KLF13: variants seen among roughly 807,000 people sequenced by gnomAD.
KLF13 encodes the protein KLF transcription factor 13, also known as Krueppel-like factor 13.
A neutral mutation model predicts 16.7 loss-of-function variants in KLF13; 8 were observed. The ratio of observed to expected loss-of-function variants is 0.48; its 90% confidence interval spans 0.28 to 0.87. The LOEUF (loss-of-function observed/expected upper bound fraction) is 0.87, where lower values mean the gene tolerates loss of function less well. KLF13 is among the 40% of genes least tolerant of loss of function. KLF13 has a pLI of 0.10. For missense variants in KLF13, 447 were observed against 452.2 expected (o/e 0.99, Z 0.10); for synonymous variants, 245 against 208.4 (o/e 1.18, Z -1.51).
chr15:31,334,790 A>G (rs1270176124), intron 1 of KLF13, among the ~76,000 whole-genome samples: 1 of 152,066 alleles, frequency 6.6e-6, no homozygotes. Flanking sequence ...TCCTGTCGAG[A>G]TGGGAATAAA....
At chr15:31,371,205 C>G (rs1463703650) in intron 1 of KLF13, among the ~76,000 whole-genome samples, 1 of 152,184 alleles carries the variant, frequency 6.6e-6, no homozygotes. Context: ...AAATGCTGGC[C>G]TGTCTCCCGC....
intron 1 of KLF13, among the ~76,000 whole-genome samples, chr15:31,343,516 C>A (rs929886592): frequency 2.0e-5 from 3 of 152,214 alleles, no homozygotes; most frequent in Non-Finnish European, 4.4e-5. Context: ...AGGGGTGCAT[C>A]CAGCCTCCAG....
At chr15:31,431,613 C>T (rs1017220430) in intron 1 of KLF13, among the ~76,000 whole-genome samples, 2 of 152,020 alleles carry the variant, frequency 1.3e-5, no homozygotes, top group South Asian at 2.1e-4. Context: ...TACAGGCACC[C>T]GTCATCATGT....
intron 1 of KLF13, among the ~76,000 whole-genome samples, chr15:31,337,799 A>C (rs1168827811): frequency 6.6e-6 from 1 of 152,218 alleles, no homozygotes; most frequent in African/African-American, 2.4e-5. Flanking sequence ...TTGAAACGTC[A>C]TTATGTGGTG....
At chr15:31,405,083 G>C (rs950402986), downstream of KLF13, among the ~76,000 whole-genome samples, 8 of 152,192 alleles carry the variant, frequency 5.3e-5, no homozygotes, top group African/African-American at 1.7e-4. Context: ...CCACTGTGAT[G>C]GTATTAGGAG....
chr15:31,420,129 T>A, intron 1 of KLF13: 1 of 409,832 alleles, frequency 2.4e-6, no homozygotes. Flanking sequence ...GGCAGCCAAG[T>A]GGTCTCCCAA....
At chr15:31,423,756 CAT>C (rs1198742642) in intron 1 of KLF13, among the ~76,000 whole-genome samples, 4 of 152,170 alleles carry the variant, frequency 2.6e-5, no homozygotes, top group Non-Finnish European at 4.4e-5. Context: ...GGATAGATCA[CAT>C]GTTAGGCCAC....
At chr15:31,428,680 C>T (rs1179912660) in intron 1 of KLF13, among the ~76,000 whole-genome samples, 2 of 151,290 alleles carry the variant, frequency 1.3e-5, no homozygotes, top group East Asian at 1.9e-4. Context: ...TGGTGGCGGG[C>T]GCCTGTAGTC....
chr15:31,335,459 G>A (rs912193522), intron 1 of KLF13, among the ~76,000 whole-genome samples: 1 of 96,138 alleles, frequency 1.0e-5, no homozygotes, highest in Non-Finnish European at 2.4e-5. Flanking sequence ...GTGTGTGTGT[G>A]TGTGTGTGTG....
chr15:31,398,054 G>A (rs979718455), intron 2 of KLF13, among the ~76,000 whole-genome samples: 3 of 152,186 alleles, frequency 2.0e-5, no homozygotes, highest in Admixed American at 1.3e-4. Flanking sequence ...AGCCTAATAA[G>A]GAGCCTGCTA....
Position 31,423,818 on chromosome 15 carries a change from C to A in KLF13, n.118-11552C>A, listed in dbSNP as rs546195189. ...ATTGAAATCATACCAACTGTCTTTTCTGATTTTGTTGGAATAAAACTAGAA... is the reference window on the plus strand; with the variant it reads ...ATTGAAATCATACCAACTGTCTTTTATGATTTTGTTGGAATAAAACTAGAA... On this transcript the variant is annotated intron_variant and non_coding_transcript_variant, in intron 1 of 1. Transcript: ENST00000558225. Among the ~76,000 whole-genome samples, 44 of 152,252 alleles carry A rather than the reference C, an allele frequency of 2.9e-4. No individual in the cohort carries two copies. In the South Asian group the frequency reaches 9.1e-3, roughly 32 times the overall value.
chr15:31,364,841 T>C (rs930807228), intron 1 of KLF13, among the ~76,000 whole-genome samples: 1 of 152,310 alleles, frequency 6.6e-6, no homozygotes, highest in Non-Finnish European at 1.5e-5. Flanking sequence ...CCATGTGGCT[T>C]AATAAACCAC....
At chr15:31,429,587 T>A (rs1348495777) in intron 1 of KLF13, among the ~76,000 whole-genome samples, 6 of 152,078 alleles carry the variant, frequency 3.9e-5, no homozygotes, top group Non-Finnish European at 1.5e-5. Flanking sequence ...AAATGGTAAA[T>A]GTTATGTATA....
At chr15:31,393,200 C>T (rs10048031) in exon 1 of KLF13, 47,320 of 152,266 alleles carry the variant, frequency 0.31, 8,298 homozygotes, top group African/African-American at 0.47. Flanking sequence ...CCTACCTTCC[C>T]GCCAGCCCCC....
At chr15:31,361,949 G>A (rs974805983) in intron 1 of KLF13, among the ~76,000 whole-genome samples, 19 of 151,978 alleles carry the variant, frequency 1.3e-4, no homozygotes, top group African/African-American at 4.6e-4. Context: ...CTTGGTGCAA[G>A]AGAAAACCCT....
downstream of KLF13, among the ~76,000 whole-genome samples, chr15:31,405,294 A>G (rs2040108795): frequency 6.6e-6 from 1 of 152,206 alleles, no homozygotes; most frequent in African/African-American, 2.4e-5. Flanking sequence ...AGTCTGGCCA[A>G]CAAAACGAGA....
At chr15:31,405,044 C>T (rs1398450604), downstream of KLF13, among the ~76,000 whole-genome samples, 3 of 152,148 alleles carry the variant, frequency 2.0e-5, no homozygotes, top group Non-Finnish European at 2.9e-5. Context: ...GAACCATGTG[C>T]CCCTGAAACT....
At position 31,374,486 on chromosome 15, in the gene KLF13, G is replaced by T. The variant is rs1430492274; in HGVS notation, c.*2187G>T. On this transcript the variant is annotated 3_prime_UTR_variant, in exon 2 of 2. Coordinates refer to ENST00000307145, the MANE Select transcript of KLF13 (RefSeq NM_015995.4). Reference sequence around the variant, plus strand: ...GAGCCCTGGGTGCTTGTGGTGCAAAGATCTTCATGCCCAGTTCCAAAGTGA... The same window carrying T: ...GAGCCCTGGGTGCTTGTGGTGCAAATATCTTCATGCCCAGTTCCAAAGTGA... 6.6e-6 allele frequency: 1 copy of T among 152,646 alleles called. No homozygotes were observed. The highest frequency in any genetic ancestry group is 1.5e-5 in the Non-Finnish European group (1 of 68,050). 9.5% of individuals were successfully genotyped at this position (152,646 alleles called of 1,614,324 possible).
intron 1 of KLF13, among the ~76,000 whole-genome samples, chr15:31,337,535 T>C (rs1448295983): frequency 6.6e-6 from 1 of 152,232 alleles, no homozygotes; most frequent in Non-Finnish European, 1.5e-5. Flanking sequence ...TTAGGCAGTT[T>C]CGTCCTTATG....
Sources: gnomAD v4.1 joint callset for allele counts (sites outside exome capture counted in the v4.1 genomes callset) on GRCh38, gnomAD v4.1.1 for gene constraint, MANE v1.5 for transcripts, NCBI Gene and HGNC (gene_info 2026-07-23, HGNC 2026-07-21) for gene names.